The following CEP128 variants were observed in gnomAD, a reference collection of about 807,000 sequenced individuals.
CEP128 encodes centrosomal protein 128, also known as centrosomal protein 128kDa.
A neutral mutation model predicts 156.7 loss-of-function variants in CEP128; 132 were observed. That is an observed-to-expected ratio of 0.84 (90% CI 0.73 to 0.97). CEP128 has a LOEUF of 0.97. Among genes scored for constraint, CEP128 ranks in the 50% least tolerant of loss-of-function variants. The pLI, the probability that CEP128 is intolerant of heterozygous loss-of-function variation, is 0.00. For missense variants in CEP128, 1,252 were observed against 1,281.9 expected (o/e 0.98, Z 0.36); for synonymous variants, 469 against 448.9 (o/e 1.04, Z -0.57).
At chr14:80,741,967 G>A (rs1379736982) in intron 19 of CEP128, among the ~76,000 whole-genome samples, 1 of 152,010 alleles carries the variant, frequency 6.6e-6, no homozygotes, top group Non-Finnish European at 1.5e-5. Flanking sequence ...TAAATAAAGT[G>A]ACATGCCCTA....
chr14:80,512,891 AT>A (rs1421128582), intron 23 of CEP128, among the ~76,000 whole-genome samples: 1 of 151,946 alleles, frequency 6.6e-6, no homozygotes, highest in Non-Finnish European at 1.5e-5. Flanking sequence ...CCACTTTTAA[AT>A]TTTTGTTGTC....
At chr14:80,699,772 G>A (rs1230197377) in intron 19 of CEP128, among the ~76,000 whole-genome samples, 1 of 152,030 alleles carries the variant, frequency 6.6e-6, no homozygotes, top group Non-Finnish European at 1.5e-5. Flanking sequence ...TGATTTATCT[G>A]GAAGGTAAAC....
Position 80,830,218 on chromosome 14 carries a change from C to A in CEP128, c.1209+925G>T, listed in dbSNP as rs761691659. 4 of 652,646 alleles carry A rather than the reference C, an allele frequency of 6.1e-6. No homozygotes were observed. In the African/African-American group the frequency reaches 7.2e-5, roughly 12 times the overall value. 40.4% of individuals were successfully genotyped at this position (652,646 alleles called of 1,614,324 possible). A position where few individuals can be genotyped will look rare whatever the true frequency, so the allele number is the denominator to read the frequency against. On this transcript the variant is annotated intron_variant, in intron 13 of 24. Coordinates refer to ENST00000555265, the MANE Select transcript of CEP128 (RefSeq NM_152446.5). ...GTAGAGGGCTTTGTAAAGAGTATGT[C>A]AATATTTCATTATCTTTACAATCCA... is the stretch of plus-strand genomic sequence containing the variant.
intron 7 of CEP128, 95 bp downstream of exon 7, chr14:80,899,843 A>G: frequency 1.1e-6 from 1 of 897,422 alleles, no homozygotes; most frequent in Non-Finnish European, 1.8e-6. Context: ...CAAACACAAC[A>G]TTTTTTAAAA....
chr14:80,816,714 G>A (rs1230507951), intron 13 of CEP128, among the ~76,000 whole-genome samples: 1 of 152,172 alleles, frequency 6.6e-6, no homozygotes, highest in Non-Finnish European at 1.5e-5. Context: ...GAAATTGACG[G>A]CTAAGGACGC....
chr14:80,605,713 A>G (rs1047464052), intron 19 of CEP128, among the ~76,000 whole-genome samples: 5 of 152,064 alleles, frequency 3.3e-5, no homozygotes, highest in African/African-American at 9.6e-5. Context: ...AAGGCCAAGA[A>G]TGTCTTCCAA....
At chr14:80,906,858 C>T (rs762453424) in intron 4 of CEP128, among the ~76,000 whole-genome samples, 1 of 152,166 alleles carries the variant, frequency 6.6e-6, no homozygotes, top group Non-Finnish European at 1.5e-5. Flanking sequence ...TCCATACACC[C>T]TGAATTGCTG....
upstream of CEP128, among the ~76,000 whole-genome samples, chr14:80,944,720 G>A (rs1472789732): frequency 2.7e-5 from 4 of 150,022 alleles, no homozygotes; most frequent in Non-Finnish European, 5.9e-5. Context: ...TACTTGGGAG[G>A]CTGAGGCAGG....
intron 24 of CEP128, among the ~76,000 whole-genome samples, chr14:80,502,924 AT>A (rs1299918511): frequency 1.3e-5 from 2 of 152,154 alleles, no homozygotes; most frequent in African/African-American, 4.8e-5. Context: ...GTGCCCCATT[AT>A]TAAAAACAGA....
At position 80,765,285 on chromosome 14, in the gene CEP128, G is replaced by A. The variant is rs189211124; in HGVS notation, c.2377-3672C>T. Among the ~76,000 whole-genome samples the A allele has an allele frequency of 3.3e-5, 5 of 152,330 alleles. No homozygotes were observed. In the East Asian group the frequency reaches 9.6e-4, roughly 29 times the overall value. On this transcript the variant is annotated intron_variant, in intron 16 of 24. Transcript: ENST00000555265. ...AAGTAGCGCTTTCTCGCAGTTTCAT[G>A]TTTTAGAAATAGATGTGCTGACTAA... is the stretch of plus-strand genomic sequence containing the variant.
chr14:80,778,912 G>A (rs1379172545), intron 15 of CEP128, among the ~76,000 whole-genome samples: 1 of 152,072 alleles, frequency 6.6e-6, no homozygotes, highest in African/African-American at 2.4e-5. Context: ...ATCAAATAAG[G>A]TATTATGATT....
rs1167981817 is a variant in CEP128, at chr14:80,729,059, GTGT to G, written c.2806+14013_2806+14015del. Among the ~76,000 whole-genome samples the G allele has an allele frequency of 3.3e-3, 54 of 16,474 alleles. 2 individuals carry two copies. The highest frequency in any genetic ancestry group is 9.9e-3 in the African/African-American group (51 of 5,162). 10.8% of individuals were successfully genotyped at this position (16,474 alleles called of 152,430 possible). A position where few individuals can be genotyped will look rare whatever the true frequency, so the allele number is the denominator to read the frequency against. ...CTAGTCCCAGGCTGGGCTGGTGGGG[GTGT>G]GTGTGTGTGTGTGTGTGTGTGTGTG... On this transcript the variant is annotated intron_variant, in intron 19 of 24. Coordinates refer to ENST00000555265, the MANE Select transcript of CEP128 (RefSeq NM_152446.5).
At chr14:80,826,229 T>G (rs1173141161) in intron 13 of CEP128, among the ~76,000 whole-genome samples, 4 of 151,814 alleles carry the variant, frequency 2.6e-5, no homozygotes, top group Admixed American at 2.6e-4. Flanking sequence ...GAAGCAGACC[T>G]CATTTCCACT....
At chr14:80,849,384 C>T (rs948891408) in intron 9 of CEP128, among the ~76,000 whole-genome samples, 3 of 152,234 alleles carry the variant, frequency 2.0e-5, no homozygotes, top group Admixed American at 6.5e-5. Context: ...ATCACAGCAT[C>T]ACTGTAACTT....
intron 21 of CEP128, among the ~76,000 whole-genome samples, chr14:80,544,621 C>T (rs770669609): frequency 3.3e-4 from 51 of 152,240 alleles, no homozygotes; most frequent in Middle Eastern, 6.8e-3. Flanking sequence ...AGACTCCTCA[C>T]GGACATACTT....
chr14:80,836,259 T>A lies in CEP128; in HGVS notation c.1003A>T (p.Lys335Ter). ...TCATCCTGATAGTTTGACTGTTGCT[T>A]GGAAATCTGAGATACTTGATGCTGT... is the stretch of plus-strand genomic sequence containing the variant. ...GLQHQVSQIS[K>*]QQSNYQDEQG... Residue 335 changes from lysine to a stop codon, truncating the protein, a stop_gained, in exon 12 of 25, where the codon AAG becomes TAG. Coordinates refer to ENST00000555265, the MANE Select transcript of CEP128 (RefSeq NM_152446.5). LOFTEE classifies it high-confidence loss of function. 6.2e-7 allele frequency: 1 copy of A among 1,614,074 alleles called. No individual in the cohort carries two copies. Among genetic ancestry groups the A allele is most frequent in the Non-Finnish European group, 8.5e-7 (1 of 1,179,958 alleles).
chr14:80,731,614 G>A (rs1595303755), intron 19 of CEP128, among the ~76,000 whole-genome samples: 1 of 151,990 alleles, frequency 6.6e-6, no homozygotes, highest in South Asian at 2.1e-4. Context: ...AGTCTCAATA[G>A]GGGAAAAAAA....
chr14:80,682,855 C>T (rs1896376884), intron 19 of CEP128, among the ~76,000 whole-genome samples: 1 of 152,104 alleles, frequency 6.6e-6, no homozygotes, highest in East Asian at 1.9e-4. Flanking sequence ...GTTTCATAAG[C>T]AAAGGAGAAA....
intron 19 of CEP128, among the ~76,000 whole-genome samples, chr14:80,583,743 C>T (rs1019977844): frequency 5.3e-5 from 8 of 152,328 alleles, no homozygotes; most frequent in Middle Eastern, 3.4e-3. Context: ...ACTTCCAATA[C>T]ATAATTCTTC....
Sources: allele counts gnomAD v4.1 joint callset (sites outside exome capture counted in the v4.1 genomes callset), GRCh38; gene constraint gnomAD v4.1.1; transcripts MANE v1.5; gene names NCBI Gene and HGNC (gene_info 2026-07-23, HGNC 2026-07-21).